Variants in LRTM3 observed in about 807,000 individuals in gnomAD.
The protein encoded by LRTM3 is leucine-rich repeat transmembrane protein 3.
the LRTM3 span, chr13:102,734,450 T>C: frequency 6.4e-7 from 1 of 1,551,404 alleles, no homozygotes; most frequent in Non-Finnish European, 8.7e-7. Context: ...TGGTTTATCT[T>C]GACCTTCATG....
the LRTM3 span, chr13:102,739,904 C>T: frequency 6.5e-7 from 1 of 1,550,276 alleles, no homozygotes; most frequent in Non-Finnish European, 8.7e-7. Flanking sequence ...CATTTCTAGT[C>T]TGTTACTTGA....
chr13:102,737,318 T>C, the LRTM3 span: 2 of 1,551,110 alleles, frequency 1.3e-6, no homozygotes, highest in South Asian at 2.4e-5. Context: ...AGTAGCAGAT[T>C]TTATTATTCC....
At chr13:102,748,043 T>A in the LRTM3 span, 1 of 1,551,156 alleles carries the variant, frequency 6.4e-7, no homozygotes, top group Non-Finnish European at 8.7e-7. Context: ...TTCCTTCTCA[T>A]CTGGTAATTT....
chr13:102,742,721 G>T, the LRTM3 span: 1 of 1,550,674 alleles, frequency 6.4e-7, no homozygotes, highest in South Asian at 1.2e-5. Flanking sequence ...TTGGGGACTT[G>T]ACCTGTCAGC....
chr13:102,758,827 C>A, the LRTM3 span: 2 of 1,550,070 alleles, frequency 1.3e-6, no homozygotes, highest in Non-Finnish European at 8.7e-7. Flanking sequence ...GCCACCCAAT[C>A]ATTTTGAATA....
At chr13:102,747,074 G>A in the LRTM3 span, 26 of 1,550,918 alleles carry the variant, frequency 1.7e-5, no homozygotes, top group South Asian at 2.4e-5. Flanking sequence ...TTTTGGTAGA[G>A]TTTCTTTGAC....
the LRTM3 span, chr13:102,731,580 C>G: frequency 6.4e-7 from 1 of 1,551,320 alleles, no homozygotes; most frequent in Non-Finnish European, 8.7e-7. Context: ...GGCTTATAGG[C>G]TTGTATGTTA....
the LRTM3 span, chr13:102,734,362 C>G: frequency 5.2e-6 from 8 of 1,551,370 alleles, no homozygotes; most frequent in Non-Finnish European, 7.0e-6. Context: ...CATCTGCATG[C>G]GTAGCTCTCT....
At chr13:102,744,952 T>C in the LRTM3 span, 1 of 1,550,802 alleles carries the variant, frequency 6.4e-7, no homozygotes, top group African/African-American at 1.4e-5. Context: ...CACGTTTTAT[T>C]GCACCAGTTA....
the LRTM3 span, among the ~76,000 whole-genome samples, chr13:102,755,759 C>A: frequency 6.7e-6 from 1 of 149,992 alleles, no homozygotes; most frequent in African/African-American, 2.5e-5. Flanking sequence ...CATATGTATC[C>A]TGGTTTTTTT....
chr13:102,734,750 A>G, the LRTM3 span: 1 of 1,551,066 alleles, frequency 6.4e-7, no homozygotes, highest in Non-Finnish European at 8.7e-7. Context: ...TTCTTTATCC[A>G]ATTCTAGTTG....
the LRTM3 span, chr13:102,730,350 C>T: frequency 1.9e-5 from 29 of 1,550,878 alleles, no homozygotes; most frequent in East Asian, 7.3e-5. Context: ...CATGAACACT[C>T]GTCCAAGTCA....
chr13:102,741,979 G>T, the LRTM3 span: 1 of 1,550,438 alleles, frequency 6.4e-7, no homozygotes, highest in Non-Finnish European at 8.7e-7. Context: ...TTCTAAGAAT[G>T]CTGGACATAT....
chr13:102,737,557 A>C, the LRTM3 span: 1 of 1,550,166 alleles, frequency 6.5e-7, no homozygotes, highest in African/African-American at 1.4e-5. Flanking sequence ...GGCCTTCTCC[A>C]TCCCTTTTCC....
chr13:102,730,503 ATTGT>A, the LRTM3 span: 1 of 1,551,530 alleles, frequency 6.4e-7, no homozygotes, highest in East Asian at 2.4e-5. Context: ...CATACATGAT[ATTGT>A]TTGTTTTTTT....
the LRTM3 span, chr13:102,733,457 G>T: frequency 1.3e-6 from 2 of 1,551,208 alleles, no homozygotes; most frequent in Non-Finnish European, 1.7e-6. Context: ...ATTTGCAGGG[G>T]TGCCAAGTGT....
the LRTM3 span, among the ~76,000 whole-genome samples, chr13:102,751,342 T>TACACACACAC: frequency 3.0e-4 from 43 of 142,114 alleles, no homozygotes; most frequent in South Asian, 7.1e-4. Flanking sequence ...TCTCTCTTTA[T>TACACACACAC]ACACACACAC....
chr13:102,758,695 T>G, the LRTM3 span: 1 of 1,534,420 alleles, frequency 6.5e-7, no homozygotes, highest in Non-Finnish European at 8.8e-7. Context: ...CAACCATTTA[T>G]TCTTACCTCC....
chr13:102,748,883 T>C, the LRTM3 span: 1 of 1,550,052 alleles, frequency 6.5e-7, no homozygotes, highest in Non-Finnish European at 8.7e-7. Flanking sequence ...CTCCTTTTCC[T>C]TTTTAGTAAT....
Sources: allele counts gnomAD v4.1 joint callset (sites outside exome capture counted in the v4.1 genomes callset), GRCh38; gene constraint gnomAD v4.1.1; transcripts MANE v1.5; gene names NCBI Gene and HGNC (gene_info 2026-07-23, HGNC 2026-07-21).